Variants in SND1 observed in about 807,000 individuals in gnomAD.
The protein encoded by SND1 is staphylococcal nuclease domain-containing protein 1.
Under a neutral mutation model 121.7 loss-of-function variants are expected in SND1, and 38 were observed. The observed-to-expected ratio is 0.31, with a 90% CI of 0.24 to 0.41. The LOEUF is 0.41. Ranked by LOEUF, SND1 falls within the 10% of genes least tolerant of loss-of-function variation. The pLI, the probability that SND1 is intolerant of heterozygous loss-of-function variation, is 1.00. For synonymous variants in SND1, 401 were observed against 447.4 expected, an observed-to-expected ratio of 0.90 and a Z score of 1.31; for missense variants, 868 against 1,184.6, an observed-to-expected ratio of 0.73 and a Z score of 3.92.
intron 12 of SND1, among the ~76,000 whole-genome samples, chr7:127,875,074 C>T (rs985779326): frequency 3.3e-5 from 5 of 152,076 alleles, no homozygotes; most frequent in African/African-American, 1.2e-4. Context: ...AAAAAATTTC[C>T]TTGGTTTCTC....
intron 16 of SND1, among the ~76,000 whole-genome samples, chr7:128,049,136 C>T (rs1206902137): frequency 6.6e-6 from 1 of 152,184 alleles, no homozygotes; most frequent in Non-Finnish European, 1.5e-5. Flanking sequence ...GCTACCCTTA[C>T]TGGAGCAAAA....
At chr7:128,072,234 G>A (rs1562889546) in intron 16 of SND1, among the ~76,000 whole-genome samples, 1 of 152,190 alleles carries the variant, frequency 6.6e-6, no homozygotes, top group African/African-American at 2.4e-5. Flanking sequence ...TGACATTCTT[G>A]CACCAACCCC....
Position 128,002,492 on chromosome 7 carries a change from GC to G in SND1, c.1779+11438del, listed in dbSNP as rs1802859685. Among the ~76,000 whole-genome samples, 4 of 152,178 alleles carry G rather than the reference GC, an allele frequency of 2.6e-5. 1 individual carries two copies. In the South Asian group the frequency reaches 6.2e-4, roughly 24 times the overall value. On this transcript the variant is annotated intron_variant, in intron 16 of 23. Coordinates refer to ENST00000354725, the MANE Select transcript of SND1 (RefSeq NM_014390.4). ...CAGCAAGTCCTAACCTATGCAAGAT[GC>G]CTTTTCTAGACTTGGCTATGGACTG...
intron 16 of SND1, among the ~76,000 whole-genome samples, chr7:128,023,550 C>CT (rs1198717432): frequency 1.3e-5 from 2 of 152,220 alleles, no homozygotes; most frequent in Non-Finnish European, 2.9e-5. Flanking sequence ...AAATCAGTGC[C>CT]TTGGGACAGC....
chr7:127,701,409 GTAA>G, intron 5 of SND1, 86 bp downstream of exon 5: 1 of 1,391,918 alleles, frequency 7.2e-7, no homozygotes, highest in Non-Finnish European at 9.8e-7. Context: ...GTAAAATCTA[GTAA>G]GCCTTTCTTA....
At chr7:127,966,901 C>T (rs920192725) in intron 15 of SND1, among the ~76,000 whole-genome samples, 2 of 151,426 alleles carry the variant, frequency 1.3e-5, no homozygotes, top group Admixed American at 1.3e-4. Flanking sequence ...TTCAAAAAAT[C>T]AATGAATCCA....
intron 16 of SND1, among the ~76,000 whole-genome samples, chr7:128,010,180 C>T (rs1803084278): frequency 6.6e-6 from 1 of 152,162 alleles, no homozygotes; most frequent in South Asian, 2.1e-4. Flanking sequence ...ATCCCTTTTC[C>T]CATAGCTCTT....
intron 1 of SND1, among the ~76,000 whole-genome samples, chr7:127,666,825 A>G (rs1190423109): frequency 6.6e-6 from 1 of 152,170 alleles, no homozygotes; most frequent in South Asian, 2.1e-4. Flanking sequence ...GGCCTGGGAC[A>G]CTGGCATCGT....
chr7:127,816,373 G>A (rs1267503559), intron 11 of SND1, among the ~76,000 whole-genome samples: 1 of 152,178 alleles, frequency 6.6e-6, no homozygotes, highest in East Asian at 1.9e-4. Flanking sequence ...ATGTGGCACT[G>A]TGCAGGAATT....
rs114743843 is a variant in SND1 at position 127,889,126 on chromosome 7, T to A, written c.1454+1114T>A. Among the ~76,000 whole-genome samples the A allele has an allele frequency of 6.0e-3, 916 of 152,228 alleles. 9 individuals carry two copies. Among genetic ancestry groups the A allele is most frequent in the African/African-American group, 0.021 (866 of 41,558 alleles). ...GTGGGCTTTTCCCAATAGACCCTGT[T>A]GAGGACCTCATTCTTAAGTACAAAG... is the stretch of plus-strand genomic sequence containing the variant. On this transcript the variant is annotated intron_variant, in intron 13 of 23. Transcript: ENST00000354725.
At chr7:127,983,281 C>T (rs1284532489) in intron 15 of SND1, among the ~76,000 whole-genome samples, 1 of 152,156 alleles carries the variant, frequency 6.6e-6, no homozygotes, top group South Asian at 2.1e-4. Context: ...AGCAGGTACT[C>T]AGGCAGAGGT....
chr7:127,857,907 C>A, intron 12 of SND1: 1 of 1,388,330 alleles, frequency 7.2e-7, no homozygotes, highest in Non-Finnish European at 1.0e-6. Context: ...GAAGGGGGTC[C>A]AGCTTCCGGC....
intron 16 of SND1, among the ~76,000 whole-genome samples, chr7:128,010,471 C>G (rs1327680828): frequency 6.6e-6 from 1 of 152,208 alleles, no homozygotes; most frequent in Non-Finnish European, 1.5e-5. Context: ...CACATAGCCT[C>G]CCCCTTCTGA....
At chr7:128,073,783 G>A (rs1436626859) in intron 16 of SND1, among the ~76,000 whole-genome samples, 4 of 152,196 alleles carry the variant, frequency 2.6e-5, no homozygotes, top group Non-Finnish European at 4.4e-5. Flanking sequence ...ACGATCCTGA[G>A]GCTGCCCTTT....
intron 16 of SND1, among the ~76,000 whole-genome samples, chr7:128,072,377 T>C (rs1793427823): frequency 6.6e-6 from 1 of 152,072 alleles, no homozygotes; most frequent in African/African-American, 2.4e-5. Context: ...GCTACTAAAA[T>C]TGTGGAAGAC....
At chr7:128,046,402 G>A (rs542974253) in intron 16 of SND1, among the ~76,000 whole-genome samples, 3 of 127,128 alleles carry the variant, frequency 2.4e-5, no homozygotes, top group South Asian at 2.6e-4. Context: ...GTCTCACTCC[G>A]TCACGCAGGC....
At chr7:127,940,407 G>C (rs1213570838) in intron 15 of SND1, among the ~76,000 whole-genome samples, 3 of 152,160 alleles carry the variant, frequency 2.0e-5, no homozygotes, top group African/African-American at 7.2e-5. Context: ...CCAGCCCTGT[G>C]GGGGAGTCCA....
chr7:127,856,890 C>T (rs1026608653), intron 12 of SND1, among the ~76,000 whole-genome samples: 6 of 152,118 alleles, frequency 3.9e-5, no homozygotes, highest in South Asian at 2.1e-4. Context: ...ATTCCTGTCA[C>T]CACTTTTTCA....
In SND1 at chr7:127,686,677, A is replaced by T; in HGVS notation, c.143A>T (p.Gln48Leu). ...CGTGGTGGGCCTCCTCCTGAGCGGC[A>T]GATCAACCTCAGCAACATTCGTGCT... ...QPRGGPPPER[Q>L]INLSNIRAGN... The change falls in exon 2 of 24, where the codon CAG becomes CTG. Residue 48 changes from glutamine to leucine, a missense_variant. By Grantham distance (113) the Gln-to-Leu change is moderately radical. Coordinates refer to ENST00000354725, the MANE Select transcript of SND1 (RefSeq NM_014390.4). The T allele has an allele frequency of 6.2e-7, 1 of 1,614,162 alleles. No individual in the cohort carries two copies. Among genetic ancestry groups the T allele is most frequent in the Non-Finnish European group, 8.5e-7 (1 of 1,180,016 alleles).
Sources: allele counts gnomAD v4.1 joint callset (sites outside exome capture counted in the v4.1 genomes callset), GRCh38; gene constraint gnomAD v4.1.1; transcripts MANE v1.5; gene names NCBI Gene and HGNC (gene_info 2026-07-23, HGNC 2026-07-21).